Variants in PCDH11X observed in about 807,000 individuals in gnomAD.
PCDH11X encodes protocadherin 11 X-linked.
Under a neutral mutation model 53.3 loss-of-function variants are expected in PCDH11X, and 18 were observed. The observed-to-expected ratio is 0.34, with a 90% confidence interval of 0.23 to 0.50. The LOEUF (loss-of-function observed/expected upper bound fraction) is 0.50, where lower values mean the gene tolerates loss of function less well. Among genes scored for constraint, PCDH11X ranks in the 20% least tolerant of loss-of-function variants. The pLI is 0.98. For synonymous variants in PCDH11X, 279 were observed against 393.3 expected, an observed-to-expected ratio of 0.71 and a Z score of 3.44; for missense variants, 570 against 1,032.4, an observed-to-expected ratio of 0.55 and a Z score of 6.14.
chrX:92,456,719 G>A (rs748114921), intron 9 of PCDH11X, among the ~76,000 whole-genome samples: 15 of 111,067 alleles, frequency 1.4e-4, no homozygotes, highest in Middle Eastern at 4.7e-3. Flanking sequence ...CTCTTCCTGC[G>A]CATATAAGCT....
intron 10 of PCDH11X, among the ~76,000 whole-genome samples, chrX:92,497,503 T>C (rs1603348204): frequency 9.1e-6 from 1 of 109,874 alleles, no homozygotes; most frequent in Non-Finnish European, 1.9e-5. Context: ...TCCTCACAAA[T>C]AGCAACATGC....
intron 6 of PCDH11X, among the ~76,000 whole-genome samples, chrX:91,993,715 C>G (rs2062364974): frequency 9.0e-6 from 1 of 111,252 alleles, no homozygotes; most frequent in African/African-American, 3.3e-5. Flanking sequence ...TTCTCAGGGC[C>G]TGAAAATCTG....
At chrX:92,486,725 A>G (rs1239738197) in intron 10 of PCDH11X, among the ~76,000 whole-genome samples, 1 of 110,665 alleles carries the variant, frequency 9.0e-6, no homozygotes, top group African/African-American at 3.3e-5. Flanking sequence ...CCAAATATTG[A>G]TATAAGCAAA....
chrX:92,070,950 C>T (rs2063692335), intron 6 of PCDH11X, among the ~76,000 whole-genome samples: 2 of 101,902 alleles, frequency 2.0e-5, no homozygotes, highest in Non-Finnish European at 3.9e-5. Context: ...GAGGCACGCG[C>T]CACCACACGC....
intron 7 of PCDH11X, among the ~76,000 whole-genome samples, chrX:92,241,763 T>C (rs943132193): frequency 6.3e-5 from 7 of 111,724 alleles, no homozygotes; most frequent in Non-Finnish European, 1.1e-4. Flanking sequence ...CTCAAAATAG[T>C]TTACATTGCA....
chrX:92,531,128 CAG>C (rs749512157), intron 10 of PCDH11X, among the ~76,000 whole-genome samples: 2 of 110,982 alleles, frequency 1.8e-5, no homozygotes, highest in Non-Finnish European at 3.8e-5. Flanking sequence ...TGTGCACACA[CAG>C]AGAGTTTTAT....
intron 6 of PCDH11X, among the ~76,000 whole-genome samples, chrX:91,987,597 T>C (rs1347132186): frequency 9.0e-6 from 1 of 111,436 alleles, no homozygotes; most frequent in African/African-American, 3.3e-5. Context: ...TACTATCCAC[T>C]ATGAAGATTT....
rs924317316 is a variant in PCDH11X, at chrX:91,926,277, A to G, written c.3033+47004A>G. On this transcript the variant is annotated intron_variant, in intron 6 of 10. Transcript: ENST00000682573. ...TCTGCTGGAGAATTCCTTCTTGCAC[A>G]AGAAGGCCGGTATGTTGGTTCTATT... Among the ~76,000 whole-genome samples, 12 of 110,033 alleles carry G rather than the reference A, an allele frequency of 1.1e-4. No individual in the cohort carries two copies. In the East Asian group the frequency reaches 3.5e-3, roughly 32 times the overall value.
At chrX:92,542,081 T>C (rs2074768425) in intron 10 of PCDH11X, among the ~76,000 whole-genome samples, 1 of 112,144 alleles carries the variant, frequency 8.9e-6, no homozygotes. Flanking sequence ...AAATGTACTT[T>C]ATATAATTAT....
At chrX:91,850,385 T>C in intron 5 of PCDH11X, among the ~76,000 whole-genome samples, 1 of 111,411 alleles carries the variant, frequency 9.0e-6, no homozygotes, top group Non-Finnish European at 1.9e-5. Context: ...CCATTTTTCT[T>C]ACAATTAGAT....
intron 8 of PCDH11X, among the ~76,000 whole-genome samples, chrX:92,274,886 A>G (rs985852590): frequency 9.2e-6 from 1 of 109,195 alleles, no homozygotes; most frequent in East Asian, 2.9e-4. Flanking sequence ...TGGGGTGAAT[A>G]TCAGGTGGAT....
At chrX:92,159,617 A>T (rs1242936915) in intron 6 of PCDH11X, among the ~76,000 whole-genome samples, 9 of 41,555 alleles carry the variant, frequency 2.2e-4, no homozygotes, top group African/African-American at 5.3e-4. Flanking sequence ...CATTGGGATT[A>T]AAAAAAAAAA....
At chrX:92,225,118 A>G (rs772095666) in intron 7 of PCDH11X, among the ~76,000 whole-genome samples, 1 of 111,509 alleles carries the variant, frequency 9.0e-6, no homozygotes, top group Non-Finnish European at 1.9e-5. Context: ...TCAAATACAC[A>G]TTTTTTCTTT....
chrX:92,385,901 T>G, intron 8 of PCDH11X, among the ~76,000 whole-genome samples: 1 of 111,220 alleles, frequency 9.0e-6, no homozygotes. Context: ...CCAGCAAGCT[T>G]TTCTTTTATT....
chrX:92,532,759 A>G (rs1353942917), intron 10 of PCDH11X, among the ~76,000 whole-genome samples: 2 of 109,360 alleles, frequency 1.8e-5, no homozygotes, highest in African/African-American at 6.7e-5. Context: ...AAAGACATAC[A>G]TAAGACAGGG....
chrX:91,800,636 G>A (rs947213628), intron 1 of PCDH11X, among the ~76,000 whole-genome samples: 3 of 111,666 alleles, frequency 2.7e-5, no homozygotes, highest in Admixed American at 9.6e-5. Context: ...TAATGTTCAT[G>A]TACCTAGTTT....
In PCDH11X at chrX:92,145,239, G is replaced by A. The variant is rs185181306; in HGVS notation, c.3034-56136G>A. ...AAAATGCGAGGACAGTCCCACCACA[G>A]ATTAAAAAGTGTTGGGACTTTCAGA... is the stretch of plus-strand genomic sequence containing the variant. On this transcript the variant is annotated intron_variant, in intron 6 of 10. Coordinates refer to ENST00000682573, the MANE Select transcript of PCDH11X (RefSeq NM_032968.5). Among the ~76,000 whole-genome samples, 334 of 112,071 alleles carry A rather than the reference G, an allele frequency of 3.0e-3. 3 individuals carry two copies. Among genetic ancestry groups the A allele is most frequent in the Non-Finnish European group, 4.9e-3 (259 of 53,219 alleles).
At chrX:92,295,773 G>C (rs1260970386) in intron 8 of PCDH11X, among the ~76,000 whole-genome samples, 4 of 74,729 alleles carry the variant, frequency 5.4e-5, no homozygotes, top group Non-Finnish European at 1.1e-4. Context: ...GTGTGTGTGT[G>C]TGTGTCTATT....
chrX:91,971,388 C>G (rs975018830), intron 6 of PCDH11X, among the ~76,000 whole-genome samples: 6 of 107,774 alleles, frequency 5.6e-5, no homozygotes, highest in Non-Finnish European at 9.6e-5. Context: ...ACATTTATGT[C>G]TGGGGGAATA....
Sources: gnomAD v4.1 joint callset for allele counts (sites outside exome capture counted in the v4.1 genomes callset) on GRCh38, gnomAD v4.1.1 for gene constraint, MANE v1.5 for transcripts, NCBI Gene and HGNC (gene_info 2026-07-23, HGNC 2026-07-21) for gene names.